The following LPA variants were observed in gnomAD, a reference collection of about 807,000 sequenced individuals.
The protein encoded by LPA is lipoprotein(a), also known as apolipoprotein(a).
LPA carries 199 observed loss-of-function variants against 197.9 expected under a neutral mutation model. The ratio of observed to expected loss-of-function variants is 1.01; its 90% confidence interval spans 0.90 to 1.13. The LOEUF is 1.13. LPA is among the 50% of genes most tolerant of loss of function. LPA has a pLI of 0.00. For synonymous variants in LPA, 715 were observed against 639.5 expected, an observed-to-expected ratio of 1.12 and a Z score of -1.78; for missense variants, 1,853 against 1,785.8, an observed-to-expected ratio of 1.04 and a Z score of -0.68.
At chr6:160,566,566 G>A (rs190079092) in intron 28 of LPA, among the ~76,000 whole-genome samples, 1 of 152,156 alleles carries the variant, frequency 6.6e-6, no homozygotes, top group East Asian at 1.9e-4. Context: ...ATCGATGCTA[G>A]GAAGAAACTG....
chr6:160,552,632 G>T (rs1332838501), intron 30 of LPA, among the ~76,000 whole-genome samples: 1 of 152,144 alleles, frequency 6.6e-6, no homozygotes, highest in Non-Finnish European at 1.5e-5. Flanking sequence ...GTCTTTAGGA[G>T]TGCCTGCATC....
intron 23 of LPA, among the ~76,000 whole-genome samples, chr6:160,590,260 G>T (rs1017460965): frequency 1.3e-5 from 2 of 152,158 alleles, no homozygotes; most frequent in East Asian, 1.9e-4. Flanking sequence ...GAGGGACGGC[G>T]GGAAATCTTG....
In LPA at chr6:160,650,527, A is replaced by G. The variant is rs1001674616; in HGVS notation, c.50-30T>C. The G allele has an allele frequency of 3.7e-6, 6 of 1,610,738 alleles. No individual in the cohort carries two copies. In the African/African-American group the frequency reaches 8.0e-5, roughly 21 times the overall value. On this transcript the variant is annotated intron_variant, in intron 1 of 38. Coordinates refer to ENST00000316300, the MANE Select transcript of LPA (RefSeq NM_005577.4). ...AATTAAAACAGAAGAAATCAAGCTG[A>G]ATAGTTCTTAGAACAGAAAAAAATG...
At chr6:160,588,913 A>G (rs1778968929) in intron 24 of LPA, among the ~76,000 whole-genome samples, 1 of 152,156 alleles carries the variant, frequency 6.6e-6, no homozygotes, top group Admixed American at 6.5e-5. Flanking sequence ...CATGTATTTG[A>G]TAGTCCTTCA....
Position 160,607,716 on chromosome 6 carries a change from A to G in LPA, c.2604-1058T>C, listed in dbSNP as rs193126911. Among the ~76,000 whole-genome samples, 225 of 152,182 alleles carry G rather than the reference A, an allele frequency of 1.5e-3. 1 individual carries two copies. Among genetic ancestry groups the G allele is most frequent in the Non-Finnish European group, 1.9e-3 (131 of 68,020 alleles). On this transcript the variant is annotated intron_variant, in intron 16 of 38. Coordinates refer to ENST00000316300, the MANE Select transcript of LPA (RefSeq NM_005577.4). ...CACTGTCTCTCTAGAGACTCTATACATGTGGCCTAGTGTCAATCCCAGACC... is the reference window on the plus strand; with the variant it reads ...CACTGTCTCTCTAGAGACTCTATACGTGTGGCCTAGTGTCAATCCCAGACC...
At chr6:160,562,037 C>T (rs1011374319) in intron 28 of LPA, among the ~76,000 whole-genome samples, 1 of 152,174 alleles carries the variant, frequency 6.6e-6, no homozygotes, top group African/African-American at 2.4e-5. Flanking sequence ...GACTCCCTCT[C>T]TTCCCACTTG....
At position 160,557,249 on chromosome 6, in the gene LPA, A is replaced by G. The variant is rs189122446; in HGVS notation, c.4813+141T>C. 1.6e-3 allele frequency: 1,666 copies of G among 1,034,618 alleles called. 20 individuals carry two copies. In the African/African-American group the frequency reaches 0.024, roughly 15 times the overall value. 64.1% of individuals were successfully genotyped at this position (1,034,618 alleles called of 1,614,324 possible). ...ACGTTGCGCCAAAAATTGCTCCACC[A>G]GAGAGAGTGCTGAGGCTTCTTTCCA... is the stretch of plus-strand genomic sequence containing the variant. On this transcript the variant is annotated intron_variant, in intron 29 of 38. Transcript: ENST00000316300.
chr6:160,561,809 G>A (rs1217919093), intron 28 of LPA, among the ~76,000 whole-genome samples: 1 of 152,112 alleles, frequency 6.6e-6, no homozygotes, highest in Non-Finnish European at 1.5e-5. Context: ...TGGATTCCTA[G>A]GTATATTTTA....
rs769706821 is a variant in LPA at position 160,586,583 on chromosome 6, G to T, written c.3995C>A (p.Pro1332His). The T allele has an allele frequency of 3.7e-6, 6 of 1,613,778 alleles. No individual in the cohort carries two copies. The South Asian group carries it at 6.6e-5, about 18-fold the overall frequency. ...YCRNPDAEIR[P>H]WCYTMDPSVR... ...ACTGGGATCCATGGTATAACACCAA[G>T]GGCGAATCTCAGCATCTGGATTCCT... Residue 1332 changes from proline (P) to histidine (H), a missense_variant, in exon 25 of 39, where the codon CCT becomes CAT. Coordinates refer to ENST00000316300, the MANE Select transcript of LPA (RefSeq NM_005577.4).
intron 1 of LPA, among the ~76,000 whole-genome samples, chr6:160,654,488 G>T (rs1250289007): frequency 1.3e-5 from 2 of 151,900 alleles, no homozygotes; most frequent in Non-Finnish European, 2.9e-5. Flanking sequence ...ATCCAATCAA[G>T]TTGACAGTAT....
In LPA at chr6:160,548,638, G is replaced by C; in HGVS notation, c.4995C>G (p.Cys1665Trp). 1.2e-6 allele frequency: 2 copies of C among 1,614,060 alleles called. No individual in the cohort carries two copies. Among genetic ancestry groups the C allele is most frequent in the Non-Finnish European group, 1.7e-6 (2 of 1,179,992 alleles). ...GGCCTGTATCGGCATCTGGATTCCT[G>C]CAGTAGTTCATTGTCAGGCCACTGG... ...YPNDGLTMNY[C>W]RNPDADTGPW... Residue 1665 changes from cysteine (C) to tryptophan (W), a missense_variant, in exon 31 of 39, where the codon TGC becomes TGG. Around this residue, in one of 3 missense-constraint regions of LPA, gnomAD observed 1,737 missense variants for 1,504.4 expected, o/e 1.15. Transcript: ENST00000316300.
intron 2 of LPA, among the ~76,000 whole-genome samples, chr6:160,647,894 A>C (rs773546341): frequency 6.6e-6 from 1 of 152,196 alleles, no homozygotes. Flanking sequence ...TTTCATCTAC[A>C]TTTGCCAATT....
Position 160,585,109 on chromosome 6 carries a change from C to T in LPA, c.4226G>A (p.Cys1409Tyr), listed in dbSNP as rs764298871. 5.6e-6 allele frequency: 9 copies of T among 1,613,852 alleles called. No homozygotes were observed. Among genetic ancestry groups the T allele is most frequent in the South Asian group, 4.4e-5 (4 of 91,086 alleles). Residue 1409 changes from cysteine (C) to tyrosine (Y), a missense_variant, in exon 26 of 39, where the codon TGT (cysteine) becomes TAT (tyrosine). Cys to Tyr is a radical substitution (Grantham distance 194). Around this residue, in one of 3 missense-constraint regions of LPA, gnomAD observed 1,737 missense variants for 1,504.4 expected, o/e 1.15. Coordinates refer to ENST00000316300, the MANE Select transcript of LPA (RefSeq NM_005577.4). Reference protein sequence around the residue: ...TLSTTITGRTCQSWSSMTPHW... With the variant: ...TLSTTITGRTYQSWSSMTPHW... ...TGGTGTCATAGACGACCAAGACTGACATGTTCTTCCTGTGATAGTGGTGGA... is the reference window on the plus strand; with the variant it reads ...TGGTGTCATAGACGACCAAGACTGATATGTTCTTCCTGTGATAGTGGTGGA...
chr6:160,587,122 A>G (rs561195488), intron 24 of LPA, among the ~76,000 whole-genome samples: 36 of 152,294 alleles, frequency 2.4e-4, no homozygotes, highest in African/African-American at 8.7e-4. Flanking sequence ...ATTTATTTAC[A>G]TACAGTTGAT....
intron 36 of LPA, among the ~76,000 whole-genome samples, chr6:160,539,253 C>G (rs1158470810): frequency 6.6e-6 from 1 of 152,180 alleles, no homozygotes; most frequent in Non-Finnish European, 1.5e-5. Context: ...TGTCCCAAAC[C>G]TGCCTCTCCT....
intron 1 of LPA, among the ~76,000 whole-genome samples, chr6:160,655,859 A>G (rs1417046991): frequency 1.3e-5 from 2 of 152,204 alleles, no homozygotes; most frequent in East Asian, 1.9e-4. Flanking sequence ...AGGTCTCTCC[A>G]AATAAGATTA....
At chr6:160,573,109 T>C (rs1287534610) in intron 28 of LPA, among the ~76,000 whole-genome samples, 2 of 152,090 alleles carry the variant, frequency 1.3e-5, no homozygotes, top group African/African-American at 4.8e-5. Context: ...CCAGACATCT[T>C]GAAGGCTTTG....
At chr6:160,538,487 G>T (rs1454521860) in intron 36 of LPA, among the ~76,000 whole-genome samples, 1 of 152,152 alleles carries the variant, frequency 6.6e-6, no homozygotes, top group African/African-American at 2.4e-5. Flanking sequence ...GAAAGAGGAT[G>T]GGAAATAAGC....
chr6:160,650,057 T>C (rs1238089180), intron 2 of LPA, among the ~76,000 whole-genome samples: 1 of 152,174 alleles, frequency 6.6e-6, no homozygotes, highest in African/African-American at 2.4e-5. Flanking sequence ...CTTTAGTGAG[T>C]GTTGTTGAAG....
Sources: allele counts gnomAD v4.1 joint callset (sites outside exome capture counted in the v4.1 genomes callset), GRCh38; gene constraint gnomAD v4.1.1; regional missense constraint gnomAD v4.1.1; transcripts MANE v1.5; gene names NCBI Gene and HGNC (gene_info 2026-07-23, HGNC 2026-07-21).